Variants in TAB2 observed in about 807,000 individuals in gnomAD.
The protein encoded by TAB2 is TGF-beta activated kinase 1 (MAP3K7) binding protein 2.
A neutral mutation model predicts 65.0 loss-of-function variants in TAB2; 3 were observed. That is an observed-to-expected ratio of 0.05 (90% CI 0.02 to 0.12). The LOEUF is 0.12. TAB2 is among the 10% of genes least tolerant of loss of function. TAB2 has a pLI of 1.00. For missense variants in TAB2, 623 were observed against 840.3 expected (o/e 0.74, Z 3.20); for synonymous variants, 298 against 285.1 (o/e 1.05, Z -0.46).
intron 1 of TAB2, among the ~76,000 whole-genome samples, chr6:149,224,449 C>T (rs1168770179): frequency 6.6e-6 from 1 of 152,222 alleles, no homozygotes; most frequent in Admixed American, 6.5e-5. Context: ...CCTATCTGTA[C>T]TGTCAAATGC....
At chr6:149,286,241 A>G (rs971356266) in intron 1 of TAB2, among the ~76,000 whole-genome samples, 3 of 152,238 alleles carry the variant, frequency 2.0e-5, no homozygotes, top group Non-Finnish European at 4.4e-5. Context: ...ATGGACTTCC[A>G]TATGCAATAT....
chr6:149,361,532 A>T (rs1163199713), intron 1 of TAB2, among the ~76,000 whole-genome samples: 1 of 152,040 alleles, frequency 6.6e-6, no homozygotes, highest in African/African-American at 2.4e-5. Context: ...CTGTGATGGG[A>T]GGGGCTGCTG....
At chr6:149,369,006 T>C (rs983505586) in intron 1 of TAB2, among the ~76,000 whole-genome samples, 3 of 152,184 alleles carry the variant, frequency 2.0e-5, no homozygotes, top group Non-Finnish European at 4.4e-5. Flanking sequence ...TTTTTAGGCT[T>C]ATGTTAACGA....
chr6:149,278,191 T>C (rs1306600933), intron 1 of TAB2, among the ~76,000 whole-genome samples: 3 of 152,218 alleles, frequency 2.0e-5, no homozygotes, highest in African/African-American at 4.8e-5. Context: ...CAACATATTA[T>C]TTGTACCTGT....
intron 1 of TAB2, among the ~76,000 whole-genome samples, chr6:149,255,692 T>C (rs970190571): frequency 7.2e-5 from 11 of 152,260 alleles, no homozygotes; most frequent in African/African-American, 2.7e-4. Context: ...ATTATAATTA[T>C]GTGATTTCTT....
At chr6:149,364,480 G>A (rs745752714) in intron 1 of TAB2, among the ~76,000 whole-genome samples, 2 of 152,002 alleles carry the variant, frequency 1.3e-5, no homozygotes, top group Non-Finnish European at 2.9e-5. Context: ...TGCAGAAGAC[G>A]CAGACAGAAG....
intron 1 of TAB2, among the ~76,000 whole-genome samples, chr6:149,280,792 C>T (rs981454184): frequency 7.2e-5 from 11 of 151,946 alleles, no homozygotes; most frequent in African/African-American, 2.7e-4. Flanking sequence ...ATTAGTCAGG[C>T]CTGGTGGCAT....
chr6:149,410,559 G>A lies in TAB2; in HGVS notation c.*840G>A, dbSNP rs1481187263. Reference sequence around the variant, plus strand: ...AAAAGCATTAATGAGATGAAAGTATGCACAGAATAACTTTCCTCTACTTAT... The same window carrying A: ...AAAAGCATTAATGAGATGAAAGTATACACAGAATAACTTTCCTCTACTTAT... On this transcript the variant is annotated 3_prime_UTR_variant, in exon 7 of 7. Transcript: ENST00000637181. The A allele has an allele frequency of 6.6e-6, 1 of 152,610 alleles. No individual in the cohort carries two copies. Among genetic ancestry groups the A allele is most frequent in the Non-Finnish European group, 1.5e-5 (1 of 68,036 alleles). 9.5% of individuals were successfully genotyped at this position (152,610 alleles called of 1,614,324 possible).
chr6:149,252,875 T>C (rs1777889225), intron 1 of TAB2, among the ~76,000 whole-genome samples: 1 of 152,208 alleles, frequency 6.6e-6, no homozygotes, highest in African/African-American at 2.4e-5. Flanking sequence ...TCTTCCACTC[T>C]TACCATGAGA....
At chr6:149,357,751 G>A (rs1201040079) in intron 1 of TAB2, among the ~76,000 whole-genome samples, 3 of 151,352 alleles carry the variant, frequency 2.0e-5, no homozygotes, top group African/African-American at 7.3e-5. Flanking sequence ...CCAGGCTGGA[G>A]TGCAATGGTG....
intron 1 of TAB2, among the ~76,000 whole-genome samples, chr6:149,251,461 G>T (rs373969720): frequency 3.3e-5 from 5 of 152,138 alleles, no homozygotes; most frequent in African/African-American, 1.2e-4. Context: ...GAAGAGATTT[G>T]CTTTTTCAAT....
intron 1 of TAB2, among the ~76,000 whole-genome samples, chr6:149,234,214 A>C (rs1249841704): frequency 6.6e-6 from 1 of 152,222 alleles, no homozygotes; most frequent in Non-Finnish European, 1.5e-5. Flanking sequence ...AAAGCAGACT[A>C]TCTGATAAAA....
At chr6:149,361,772 G>C (rs1325909660) in intron 1 of TAB2, among the ~76,000 whole-genome samples, 1 of 152,006 alleles carries the variant, frequency 6.6e-6, no homozygotes, top group Admixed American at 6.5e-5. Flanking sequence ...TCATTTCTTT[G>C]CTCCAACATC....
chr6:149,224,542 A>C (rs936790334), intron 1 of TAB2, among the ~76,000 whole-genome samples: 1 of 152,146 alleles, frequency 6.6e-6, no homozygotes, highest in African/African-American at 2.4e-5. Context: ...TCCTTGGTTT[A>C]GTATAACTTG....
chr6:149,323,621 A>T (rs1779517819), intron 1 of TAB2, among the ~76,000 whole-genome samples: 1 of 152,172 alleles, frequency 6.6e-6, no homozygotes, highest in African/African-American at 2.4e-5. Flanking sequence ...CAGATGCCTA[A>T]ATCTTAGTAC....
At chr6:149,220,753 A>G (rs972981089) in intron 1 of TAB2, 16 of 152,148 alleles carry the variant, frequency 1.1e-4, no homozygotes, top group African/African-American at 3.9e-4. Flanking sequence ...CGTAGCTGTG[A>G]CTATAAGCAC....
intron 1 of TAB2, among the ~76,000 whole-genome samples, chr6:149,270,053 A>G (rs958054667): frequency 1.1e-4 from 16 of 152,270 alleles, no homozygotes; most frequent in Admixed American, 7.8e-4. Context: ...TTTTGCAGCC[A>G]CATCAGCAAT....
chr6:149,239,256 T>G (rs1056812899), intron 1 of TAB2, among the ~76,000 whole-genome samples: 1 of 152,202 alleles, frequency 6.6e-6, no homozygotes, highest in Non-Finnish European at 1.5e-5. Flanking sequence ...AAGCTAACAC[T>G]GGGCCTAGCC....
At chr6:149,348,686 G>A (rs998680396) in intron 1 of TAB2, among the ~76,000 whole-genome samples, 6 of 151,844 alleles carry the variant, frequency 4.0e-5, no homozygotes, top group Middle Eastern at 6.8e-3. Context: ...AGATAAGGCC[G>A]GGCGCAGTGG....
Sources: gnomAD v4.1 joint callset for allele counts (sites outside exome capture counted in the v4.1 genomes callset) on GRCh38, gnomAD v4.1.1 for gene constraint, MANE v1.5 for transcripts, NCBI Gene and HGNC (gene_info 2026-07-23, HGNC 2026-07-21) for gene names.